Variants in MRC2 observed in about 807,000 individuals in gnomAD.
MRC2 encodes C-type mannose receptor 2.
A neutral mutation model predicts 206.2 loss-of-function variants in MRC2; 84 were observed. That is an observed-to-expected ratio of 0.41 (90% confidence interval 0.34 to 0.49). The LOEUF (loss-of-function observed/expected upper bound fraction) is 0.49, where lower values mean the gene tolerates loss of function less well. Among genes scored for constraint, MRC2 ranks in the 20% least tolerant of loss-of-function variants. The pLI, the probability that MRC2 is intolerant of heterozygous loss-of-function variation, is 0.31. For synonymous variants in MRC2, 798 were observed against 800.0 expected (o/e 1.00, Z 0.04); for missense variants, 1,676 against 2,001.5 (o/e 0.84, Z 3.10).
intron 1 of MRC2, among the ~76,000 whole-genome samples, chr17:62,636,538 G>A (rs899635398): frequency 2.0e-5 from 3 of 147,330 alleles, no homozygotes; most frequent in African/African-American, 7.6e-5. Context: ...GCGGGATCTC[G>A]GCTCACTGCA....
chr17:62,678,699 C>A, intron 13 of MRC2, 53 bp downstream of exon 13: 3 of 1,576,660 alleles, frequency 1.9e-6, no homozygotes, highest in Non-Finnish European at 2.6e-6. Flanking sequence ...CGTGTAGGAG[C>A]AGGCATGGCC....
chr17:62,655,824 C>T (rs111307537), intron 1 of MRC2, among the ~76,000 whole-genome samples: 3,794 of 152,146 alleles, frequency 0.025, 178 homozygotes, highest in African/African-American at 0.087. Flanking sequence ...ATCACCTTCA[C>T]CCCCAACCGT....
At chr17:62,638,347 G>C (rs990597091) in intron 1 of MRC2, among the ~76,000 whole-genome samples, 2 of 151,890 alleles carry the variant, frequency 1.3e-5, no homozygotes, top group Non-Finnish European at 2.9e-5. Flanking sequence ...CAATGTACTA[G>C]AAAAAAATTC....
At position 62,658,222 on chromosome 17, in the gene MRC2, A is replaced by C. The variant is rs1198673823; in HGVS notation, c.119-6326A>C. 2.0e-5 allele frequency among the ~76,000 whole-genome samples: 3 copies of C among 152,134 alleles called. No individual in the cohort carries two copies. In the East Asian group the frequency reaches 5.8e-4, roughly 29 times the overall value. ...AACGCCCCCAGACACCTGGGATTTT[A>C]AAGGTTTGTTTGCTCTTATGCCCGG... On this transcript the variant is annotated intron_variant, in intron 1 of 29. Coordinates refer to ENST00000303375, the MANE Select transcript of MRC2 (RefSeq NM_006039.5).
intron 1 of MRC2, among the ~76,000 whole-genome samples, chr17:62,629,242 G>T (rs2084196425): frequency 6.6e-6 from 1 of 152,228 alleles, no homozygotes; most frequent in African/African-American, 2.4e-5. Flanking sequence ...GAGGCAGGCG[G>T]TGGGAAGGGG....
intron 26 of MRC2, among the ~76,000 whole-genome samples, 156 bp from the exon 27 acceptor site, chr17:62,690,486 C>G (rs1046366086): frequency 6.6e-6 from 1 of 152,172 alleles, no homozygotes; most frequent in Non-Finnish European, 1.5e-5. Context: ...TGCTGCCCCC[C>G]CACACACTTG....
chr17:62,656,735 A>G (rs2088623878), intron 1 of MRC2, among the ~76,000 whole-genome samples: 1 of 152,196 alleles, frequency 6.6e-6, no homozygotes, highest in Non-Finnish European at 1.5e-5. Flanking sequence ...ACAGAAACCC[A>G]ATGCAGACAA....
In MRC2 at chr17:62,667,904, A is replaced by G. The variant is rs2088777902; in HGVS notation, c.1117+371A>G. On this transcript the variant is annotated intron_variant, in intron 6 of 29. Transcript: ENST00000303375. This position sits in a 1 kb window ranked among gnomAD's most constrained non-coding sequence, Gnocchi z 4.1. ...AGAAGAAACTGATTCAGCTTCTGAG[A>G]GTTAAGGAGGGGTTTATGGAAATAA... Among the ~76,000 whole-genome samples, 1 of 152,178 alleles carries G rather than the reference A, an allele frequency of 6.6e-6. No individual in the cohort carries two copies. The highest frequency in any genetic ancestry group is 1.5e-5 in the Non-Finnish European group (1 of 68,038).
Position 62,688,654 on chromosome 17 carries a change from G to A in MRC2, c.3215G>A (p.Gly1072Asp), listed in dbSNP as rs777034463. 6.2e-6 allele frequency: 10 copies of A among 1,613,736 alleles called. No individual in the cohort carries two copies. The highest frequency in any genetic ancestry group is 7.6e-6 in the Non-Finnish European group (9 of 1,179,942). Residue 1072 changes from glycine to aspartate, a missense_variant, in exon 22 of 30, where the codon GGC (glycine) becomes GAC (aspartate). Around this residue, in one of 3 missense-constraint regions of MRC2, gnomAD observed 1,354 missense variants for 1,636.6 expected, o/e 0.83. Coordinates refer to ENST00000303375, the MANE Select transcript of MRC2 (RefSeq NM_006039.5). ...EPSGPSPAPS[G>D]NKPTSCAVVL... ...TCTGGCCCTAGCCCTGCTCCCAGTGGCAACAAACCGGTGAGGATGCCCTCC... is the reference window on the plus strand; with the variant it reads ...TCTGGCCCTAGCCCTGCTCCCAGTGACAACAAACCGGTGAGGATGCCCTCC...
rs1264726807 is a variant in MRC2 at position 62,672,404 on chromosome 17, C to T, written c.1461+252C>T. ...GTTACTAGAGGGTCACTGGGGAGATCAGAGGAGTTAATTCTCGTGAAACCT... is the reference window on the plus strand; with the variant it reads ...GTTACTAGAGGGTCACTGGGGAGATTAGAGGAGTTAATTCTCGTGAAACCT... On this transcript the variant is annotated intron_variant, in intron 8 of 29. Coordinates refer to ENST00000303375, the MANE Select transcript of MRC2 (RefSeq NM_006039.5). The surrounding 1 kb of genome is among the most constrained non-coding windows in gnomAD (Gnocchi z 4.5). 6.6e-6 allele frequency among the ~76,000 whole-genome samples: 1 copy of T among 152,154 alleles called. No homozygotes were observed. Among genetic ancestry groups the T allele is most frequent in the Admixed American group, 6.6e-5 (1 of 15,262 alleles).
At chr17:62,676,297 C>G (rs956540958) in intron 10 of MRC2, 86 bp from the exon 11 acceptor site, 3 of 1,543,410 alleles carry the variant, frequency 1.9e-6, no homozygotes, top group African/African-American at 1.4e-5. Context: ...GTGCAGCACC[C>G]GAGCTCCCAC....
intron 1 of MRC2, among the ~76,000 whole-genome samples, chr17:62,657,180 C>T (rs1399417160): frequency 6.6e-6 from 1 of 152,186 alleles, no homozygotes. Context: ...ATAAAGGCAG[C>T]TCAATGAGGT....
rs1211117336 is a variant in MRC2, at chr17:62,680,477, G to C, written c.2473+24G>C. 3.1e-6 allele frequency: 5 copies of C among 1,613,508 alleles called. No individual in the cohort carries two copies. The highest frequency in any genetic ancestry group is 4.2e-6 in the Non-Finnish European group (5 of 1,179,832). ...AGGTGAGCACCCCCCAGCCCATCCCGCTACCCATCGCGTGGGAGAGGGCGT... is the reference window on the plus strand; with the variant it reads ...AGGTGAGCACCCCCCAGCCCATCCCCCTACCCATCGCGTGGGAGAGGGCGT... On this transcript the variant is annotated intron_variant, in intron 16 of 29. Transcript: ENST00000303375. The surrounding 1 kb of genome is among the most constrained non-coding windows in gnomAD (Gnocchi z 4.8).
rs2088836966 is a variant in MRC2 at position 62,672,383 on chromosome 17, C to T, written c.1461+231C>T. Among the ~76,000 whole-genome samples the T allele has an allele frequency of 6.6e-6, 1 of 152,168 alleles. No individual in the cohort carries two copies. Among genetic ancestry groups the T allele is most frequent in the African/African-American group, 2.4e-5 (1 of 41,434 alleles). ...TAGCCAAGTCACCTTGGGCAAGTTA[C>T]TAGAGGGTCACTGGGGAGATCAGAG... is the stretch of plus-strand genomic sequence containing the variant. On this transcript the variant is annotated intron_variant, in intron 8 of 29. Coordinates refer to ENST00000303375, the MANE Select transcript of MRC2 (RefSeq NM_006039.5). The surrounding 1 kb of genome is among the most constrained non-coding windows in gnomAD (Gnocchi z 4.5).
At chr17:62,651,259 C>G (rs1342154147) in intron 1 of MRC2, among the ~76,000 whole-genome samples, 1 of 151,950 alleles carries the variant, frequency 6.6e-6, no homozygotes, top group Non-Finnish European at 1.5e-5. Context: ...AATTTTTGTA[C>G]TTTTAGTAGA....
rs1403985071 is a variant in MRC2 at position 62,680,447 on chromosome 17, C to T, written c.2467C>T (p.Pro823Ser). 3 of 1,613,974 alleles carry T rather than the reference C, an allele frequency of 1.9e-6. No individual in the cohort carries two copies. Among genetic ancestry groups the T allele is most frequent in the Non-Finnish European group, 2.5e-6 (3 of 1,180,018 alleles). Residue 823 changes from proline to serine, a missense_variant, in exon 16 of 30, where the codon CCT becomes TCT. Around this residue, in one of 3 missense-constraint regions of MRC2, gnomAD observed 1,354 missense variants for 1,636.6 expected, o/e 0.83. Coordinates refer to ENST00000303375, the MANE Select transcript of MRC2 (RefSeq NM_006039.5). This position sits in a 1 kb window ranked among gnomAD's most constrained non-coding sequence, Gnocchi z 4.8. ...GGACGTGCGGGAGCCCGACGACAGC[C>T]CTCAAGGTGAGCACCCCCCAGCCCA... ...GTDVREPDDS[P>S]QGRREWLRFQ... is the part of the protein sequence containing the mutation.
Position 62,681,671 on chromosome 17 carries a change from T to C in MRC2, c.2703-166T>C, listed in dbSNP as rs2088967969. ...TATCTAGAGGCACCAGGTCCTTGGG[T>C]CTTTGACTGCCCTGAGCTCAGTAGC... On this transcript the variant is annotated intron_variant, in intron 18 of 29. Coordinates refer to ENST00000303375, the MANE Select transcript of MRC2 (RefSeq NM_006039.5). 1.7e-5 allele frequency: 10 copies of C among 598,748 alleles called. No individual in the cohort carries two copies. In the Admixed American group the frequency reaches 3.2e-4, roughly 19 times the overall value. 37.1% of individuals were successfully genotyped at this position (598,748 alleles called of 1,614,324 possible). A position where few individuals can be genotyped will look rare whatever the true frequency, so the allele number is the denominator to read the frequency against.
intron 20 of MRC2, among the ~76,000 whole-genome samples, chr17:62,685,604 T>C (rs1456753356): frequency 6.6e-6 from 1 of 152,184 alleles, no homozygotes; most frequent in African/African-American, 2.4e-5. Flanking sequence ...GGTACCATCA[T>C]GGCTTACTTA....
chr17:62,636,067 G>A (rs1297533134), intron 1 of MRC2, among the ~76,000 whole-genome samples: 2 of 151,748 alleles, frequency 1.3e-5, no homozygotes, highest in Non-Finnish European at 1.5e-5. Context: ...GATTACAGGC[G>A]TGAGCCACCG....
Sources: gnomAD v4.1 joint callset for allele counts (sites outside exome capture counted in the v4.1 genomes callset) on GRCh38, gnomAD v4.1.1 for gene constraint, gnomAD v4.1.1 regional missense constraint, Gnocchi (gnomAD v3.1) non-coding constraint, MANE v1.5 for transcripts, NCBI Gene and HGNC (gene_info 2026-07-23, HGNC 2026-07-21) for gene names.